The following FHIT variants were observed in gnomAD, a reference collection of about 807,000 sequenced individuals.
FHIT encodes fragile histidine triad diadenosine triphosphatase.
Under a neutral mutation model 17.9 loss-of-function variants are expected in FHIT, and 19 were observed. The ratio of observed to expected loss-of-function variants is 1.06; its 90% confidence interval spans 0.74 to 1.56. The LOEUF is 1.56. Ranked by LOEUF, FHIT falls within the 40% of genes most tolerant of loss-of-function variation. The pLI is 0.00. For missense variants in FHIT, 248 were observed against 189.2 expected (o/e 1.31, Z -1.82); for synonymous variants, 81 against 69.7 (o/e 1.16, Z -0.81).
At chr3:60,181,340 T>C (rs1221953833) in intron 5 of FHIT, among the ~76,000 whole-genome samples, 2 of 152,014 alleles carry the variant, frequency 1.3e-5, no homozygotes, top group African/African-American at 4.8e-5. Flanking sequence ...GATACGGTGT[T>C]CCACCATGTT....
In FHIT at chr3:60,792,830, TTTC is replaced by T. The variant is rs782514345; in HGVS notation, c.-18+29086_-18+29088del. Among the ~76,000 whole-genome samples the T allele has an allele frequency of 1.4e-3, 153 of 111,076 alleles. 1 individual carries two copies. The highest frequency in any genetic ancestry group is 2.0e-3 in the Non-Finnish European group (113 of 55,712). 72.9% of individuals were successfully genotyped at this position (111,076 alleles called of 152,430 possible). On this transcript the variant is annotated intron_variant, in intron 4 of 9. Coordinates refer to ENST00000492590, the MANE Select transcript of FHIT (RefSeq NM_002012.4). ...TTGAGACTGCCCTTCGAGAAAACAA[TTTC>T]TTTTTTTTTTTTTTTACTGAGAATT...
At chr3:60,529,748 A>G (rs1170308535) in intron 5 of FHIT, among the ~76,000 whole-genome samples, 2 of 152,198 alleles carry the variant, frequency 1.3e-5, no homozygotes, top group Non-Finnish European at 2.9e-5. Flanking sequence ...ATAAATAGAA[A>G]TGGTGAACAG....
At chr3:60,703,371 C>T (rs2041293997) in intron 4 of FHIT, among the ~76,000 whole-genome samples, 1 of 152,118 alleles carries the variant, frequency 6.6e-6, no homozygotes, top group South Asian at 2.1e-4. Flanking sequence ...CACTCATTAC[C>T]AAATTACCAA....
At chr3:60,132,083 G>A (rs1457847517) in intron 5 of FHIT, among the ~76,000 whole-genome samples, 1 of 152,036 alleles carries the variant, frequency 6.6e-6, no homozygotes, top group Non-Finnish European at 1.5e-5. Flanking sequence ...TCTACAGTCG[G>A]ACCTTCACAT....
chr3:60,416,718 T>C (rs242193), intron 5 of FHIT, among the ~76,000 whole-genome samples: 39,263 of 152,120 alleles, frequency 0.26, 6,538 homozygotes, highest in Non-Finnish European at 0.37. Context: ...CTGTAGTTAT[T>C]AACTGCTACC....
At chr3:60,401,304 C>T (rs1701648075) in intron 5 of FHIT, among the ~76,000 whole-genome samples, 1 of 152,166 alleles carries the variant, frequency 6.6e-6, no homozygotes, top group African/African-American at 2.4e-5. Flanking sequence ...GGTTATTCCT[C>T]ATTTTCCACC....
chr3:60,802,942 G>A (rs1701244545), intron 4 of FHIT, among the ~76,000 whole-genome samples: 1 of 152,110 alleles, frequency 6.6e-6, no homozygotes, highest in Non-Finnish European at 1.5e-5. Context: ...TCTTGCCTAT[G>A]TACAAGGCTG....
In FHIT at chr3:60,854,281, T is replaced by C. The variant is rs368614662; in HGVS notation, c.-110-32270A>G. ...TTTTCTCATACAAAGCTTCCTACATTTCCTTTGGCACTTAGTAATACTTAA... is the reference window on the plus strand; with the variant it reads ...TTTTCTCATACAAAGCTTCCTACATCTCCTTTGGCACTTAGTAATACTTAA... On this transcript the variant is annotated intron_variant, in intron 3 of 9. Coordinates refer to ENST00000492590, the MANE Select transcript of FHIT (RefSeq NM_002012.4). 1.7e-4 allele frequency among the ~76,000 whole-genome samples: 26 copies of C among 152,236 alleles called. No individual in the cohort carries two copies. In the South Asian group the frequency reaches 5.4e-3, roughly 32 times the overall value.
intron 5 of FHIT, among the ~76,000 whole-genome samples, chr3:60,331,178 T>A (rs954517380): frequency 1.3e-5 from 2 of 152,292 alleles, no homozygotes; most frequent in East Asian, 3.9e-4. Flanking sequence ...TCCAGGCCTG[T>A]GTACATGATG....
At chr3:60,656,735 CA>C in intron 4 of FHIT, among the ~76,000 whole-genome samples, 1 of 152,224 alleles carries the variant, frequency 6.6e-6, no homozygotes, top group Admixed American at 6.5e-5. Context: ...GAAGGGTTTC[CA>C]ACGTTAACTA....
intron 5 of FHIT, among the ~76,000 whole-genome samples, chr3:60,460,340 A>G (rs1243192832): frequency 6.6e-6 from 1 of 152,142 alleles, no homozygotes; most frequent in Non-Finnish European, 1.5e-5. Context: ...CTTTGGACTA[A>G]TAACCAACCA....
At chr3:60,679,027 C>T (rs148793719) in intron 4 of FHIT, among the ~76,000 whole-genome samples, 3 of 151,112 alleles carry the variant, frequency 2.0e-5, no homozygotes, top group South Asian at 2.1e-4. Context: ...ACACCAAAGC[C>T]GTAGTAAAGT....
intron 3 of FHIT, among the ~76,000 whole-genome samples, chr3:61,008,073 T>C (rs1009765459): frequency 7.2e-5 from 11 of 152,242 alleles, no homozygotes; most frequent in African/African-American, 2.4e-4. Flanking sequence ...CCCTTCCTGG[T>C]TTCTCCCAAG....
intron 2 of FHIT, among the ~76,000 whole-genome samples, chr3:61,189,253 A>G (rs1223100137): frequency 6.6e-6 from 1 of 152,220 alleles, no homozygotes; most frequent in African/African-American, 2.4e-5. Flanking sequence ...TACAAAATCA[A>G]CGTGCAAAAA....
At chr3:60,494,722 A>G (rs1333829220) in intron 5 of FHIT, among the ~76,000 whole-genome samples, 2 of 152,152 alleles carry the variant, frequency 1.3e-5, no homozygotes, top group East Asian at 1.9e-4. Flanking sequence ...GTGAGAACAT[A>G]CAGTATTTGT....
intron 5 of FHIT, among the ~76,000 whole-genome samples, chr3:60,021,237 T>G (rs9854540): frequency 0.38 from 57,739 of 151,960 alleles, 11,287 homozygotes; most frequent in South Asian, 0.54. Context: ...TGAGACCTTG[T>G]TCATCTGGAG....
chr3:59,776,210 CAG>C (rs1175678998), intron 8 of FHIT, among the ~76,000 whole-genome samples: 1 of 152,216 alleles, frequency 6.6e-6, no homozygotes, highest in Non-Finnish European at 1.5e-5. Flanking sequence ...GCACTCAGGC[CAG>C]AGTCCCATAG....
At chr3:60,067,322 T>TTGAA (rs4024132) in intron 5 of FHIT, among the ~76,000 whole-genome samples, 2,449 of 151,368 alleles carry the variant, frequency 0.016, 34 homozygotes, top group Middle Eastern at 0.027. Context: ...CAAATATGTA[T>TTGAA]TGAATGAATG....
intron 8 of FHIT, among the ~76,000 whole-genome samples, chr3:59,908,215 T>G (rs1364109568): frequency 1.3e-5 from 2 of 152,170 alleles, no homozygotes; most frequent in African/African-American, 4.8e-5. Flanking sequence ...ACTCTAAGAG[T>G]AGATTGAATG....
Sources: gnomAD v4.1 joint callset for allele counts (sites outside exome capture counted in the v4.1 genomes callset) on GRCh38, gnomAD v4.1.1 for gene constraint, MANE v1.5 for transcripts, NCBI Gene and HGNC (gene_info 2026-07-23, HGNC 2026-07-21) for gene names.